The following MCC variants were observed in gnomAD, a reference collection of about 807,000 sequenced individuals.
MCC encodes MCC regulator of Wnt signaling pathway.
Under a neutral mutation model 116.2 loss-of-function variants are expected in MCC, and 90 were observed. That is an observed-to-expected ratio of 0.77 (90% confidence interval 0.65 to 0.92). The LOEUF (loss-of-function observed/expected upper bound fraction) is 0.92. Ranked by LOEUF, MCC falls within the 40% of genes least tolerant of loss-of-function variation. The probability of loss-of-function intolerance (pLI) is 0.00; values close to 1 mark genes in which losing one functional copy is unlikely to be tolerated. For missense variants in MCC, 1,516 were observed against 1,312.2 expected (o/e 1.16, Z -2.40); for synonymous variants, 578 against 510.5 (o/e 1.13, Z -1.78).
chr5:113,112,454 T>A (rs1757154068), intron 6 of MCC, among the ~76,000 whole-genome samples: 1 of 152,202 alleles, frequency 6.6e-6, no homozygotes, highest in Non-Finnish European at 1.5e-5. Context: ...CCATGTAAGA[T>A]GTGCTTGCTT....
At chr5:113,368,396 T>G (rs548606794) in intron 2 of MCC, among the ~76,000 whole-genome samples, 2 of 152,318 alleles carry the variant, frequency 1.3e-5, no homozygotes, top group Admixed American at 1.3e-4. Context: ...TAGACTATTT[T>G]GTTGATGATG....
At chr5:113,087,462 G>C (rs1755280023) in intron 8 of MCC, among the ~76,000 whole-genome samples, 2 of 152,156 alleles carry the variant, frequency 1.3e-5, no homozygotes, top group Admixed American at 1.3e-4. Flanking sequence ...TACAGGACTC[G>C]TTCTGAAATG....
At chr5:113,211,425 G>A (rs534629210) in intron 3 of MCC, among the ~76,000 whole-genome samples, 4 of 152,330 alleles carry the variant, frequency 2.6e-5, no homozygotes, top group East Asian at 3.9e-4. Flanking sequence ...CACTTCATCT[G>A]TTGATGACAG....
intron 3 of MCC, among the ~76,000 whole-genome samples, chr5:113,154,681 A>G (rs760319067): frequency 1.3e-5 from 2 of 152,230 alleles, no homozygotes; most frequent in Non-Finnish European, 2.9e-5. Flanking sequence ...GCGATGCTAC[A>G]TGAAGGAATT....
intron 3 of MCC, among the ~76,000 whole-genome samples, chr5:113,236,763 AACT>A (rs1023306924): frequency 4.6e-5 from 7 of 152,104 alleles, no homozygotes; most frequent in Admixed American, 3.3e-4. Context: ...CAGAGAGGAG[AACT>A]AAGGCCCCTC....
intron 11 of MCC, among the ~76,000 whole-genome samples, chr5:113,076,918 C>T (rs925905954): frequency 5.3e-5 from 8 of 152,146 alleles, no homozygotes; most frequent in East Asian, 1.9e-4. Flanking sequence ...ACCCATCTCA[C>T]GAGCAGAGAC....
chr5:113,236,488 CTG>C (rs550361607), intron 3 of MCC, among the ~76,000 whole-genome samples: 76 of 152,294 alleles, frequency 5.0e-4, no homozygotes, highest in African/African-American at 1.8e-3. Flanking sequence ...TAAATTTTTT[CTG>C]TGTCTCCACT....
At chr5:113,366,215 G>C (rs1318134052) in intron 2 of MCC, among the ~76,000 whole-genome samples, 1 of 151,870 alleles carries the variant, frequency 6.6e-6, no homozygotes, top group East Asian at 1.9e-4. Context: ...TTTTGAATCT[G>C]CTTTGTCTTT....
intron 1 of MCC, among the ~76,000 whole-genome samples, chr5:113,466,453 C>G (rs1580412812): frequency 6.6e-6 from 1 of 150,890 alleles, no homozygotes; most frequent in Admixed American, 6.6e-5. Flanking sequence ...TTGTCCTTGC[C>G]ATAGTTTGCT....
chr5:113,267,821 G>A (rs770803259), intron 3 of MCC, among the ~76,000 whole-genome samples: 2 of 152,022 alleles, frequency 1.3e-5, no homozygotes, highest in Admixed American at 1.3e-4. Flanking sequence ...AAAAACCACG[G>A]AATTGTATAC....
intron 3 of MCC, among the ~76,000 whole-genome samples, chr5:113,292,317 T>A (rs1406018083): frequency 1.3e-5 from 2 of 151,810 alleles, no homozygotes; most frequent in Non-Finnish European, 2.9e-5. Flanking sequence ...CTAACATTGA[T>A]TGGAAAGAGG....
At chr5:113,090,384 C>T (rs887714796) in intron 8 of MCC, among the ~76,000 whole-genome samples, 5 of 151,440 alleles carry the variant, frequency 3.3e-5, no homozygotes, top group Admixed American at 1.3e-4. Flanking sequence ...GCTTACACAG[C>T]AGCACTGACA....
In MCC at chr5:113,064,053, C is replaced by T. The variant is rs1027809325; in HGVS notation, c.2144G>A (p.Gly715Glu). 2 of 1,614,222 alleles carry T rather than the reference C, an allele frequency of 1.2e-6. No individual in the cohort carries two copies. The highest frequency in any genetic ancestry group is 1.7e-6 in the Non-Finnish European group (2 of 1,180,048). ...GCAGCCGGCCACGGCAAAGGCTCCC[C>T]CACAGCTGCCGTCCAGCTTCATGAG... ...ALLMKLDGSC[G>E]GAFAVAGCSV... Residue 715 changes from glycine to glutamate, a missense_variant, in exon 14 of 19, where the codon GGG becomes GAG. By Grantham distance (98) the Gly-to-Glu change is moderately conservative. Transcript: ENST00000408903.
intron 3 of MCC, among the ~76,000 whole-genome samples, chr5:113,232,310 G>A (rs1213920790): frequency 6.6e-6 from 1 of 152,034 alleles, no homozygotes; most frequent in Non-Finnish European, 1.5e-5. Context: ...TCCAATGCTG[G>A]GATACTGGGT....
intron 3 of MCC, among the ~76,000 whole-genome samples, chr5:113,172,944 G>A (rs1761148101): frequency 6.6e-6 from 1 of 151,370 alleles, no homozygotes; most frequent in Non-Finnish European, 1.5e-5. Flanking sequence ...TAAACTTTTT[G>A]TCGTAAATCT....
At chr5:113,294,083 G>A (rs1461265533) in intron 3 of MCC, among the ~76,000 whole-genome samples, 2 of 152,206 alleles carry the variant, frequency 1.3e-5, no homozygotes, top group Non-Finnish European at 2.9e-5. Flanking sequence ...GCGGCTTGGT[G>A]AGAGGTTGTT....
At chr5:113,056,438 C>T (rs28412965) in intron 14 of MCC, among the ~76,000 whole-genome samples, 2,681 of 152,184 alleles carry the variant, frequency 0.018, 83 homozygotes, top group African/African-American at 0.06. Context: ...ATGGATGAAG[C>T]GGGAGGCCAT....
intron 1 of MCC, among the ~76,000 whole-genome samples, chr5:113,440,567 A>T (rs1043714093): frequency 3.9e-5 from 6 of 152,092 alleles, no homozygotes; most frequent in Non-Finnish European, 7.3e-5. Flanking sequence ...AAAGAAAAAA[A>T]TAAGAAAGTA....
intron 3 of MCC, among the ~76,000 whole-genome samples, chr5:113,306,946 TC>T (rs1480674500): frequency 6.6e-6 from 1 of 152,220 alleles, no homozygotes; most frequent in African/African-American, 2.4e-5. Context: ...TGTACCCTTG[TC>T]AAAAACCAAT....
Sources: allele counts gnomAD v4.1 joint callset (sites outside exome capture counted in the v4.1 genomes callset), GRCh38; gene constraint gnomAD v4.1.1; transcripts MANE v1.5; gene names NCBI Gene and HGNC (gene_info 2026-07-23, HGNC 2026-07-21).